Variants in TMEM117 observed in about 807,000 individuals in gnomAD.
TMEM117 encodes transmembrane protein 117.
A neutral mutation model predicts 52.4 loss-of-function variants in TMEM117; 27 were observed. The observed-to-expected ratio is 0.51, with a 90% CI of 0.38 to 0.71. TMEM117 has a LOEUF of 0.71. Among genes scored for constraint, TMEM117 ranks in the 30% least tolerant of loss-of-function variants. TMEM117 has a pLI of 0.00. For synonymous variants in TMEM117, 215 were observed against 206.3 expected (o/e 1.04, Z -0.36); for missense variants, 556 against 630.5 (o/e 0.88, Z 1.26).
chr12:43,858,764 T>A (rs1943440635), intron 2 of TMEM117, among the ~76,000 whole-genome samples: 1 of 152,170 alleles, frequency 6.6e-6, no homozygotes, highest in African/African-American at 2.4e-5. Context: ...CTTCAGTATC[T>A]CAGGGAAGAG....
chr12:44,081,423 T>C (rs1025562362), intron 3 of TMEM117, among the ~76,000 whole-genome samples: 1 of 152,122 alleles, frequency 6.6e-6, no homozygotes, highest in East Asian at 1.9e-4. Context: ...CCTCAGTTCA[T>C]TTTTTGTGGT....
intron 3 of TMEM117, among the ~76,000 whole-genome samples, chr12:44,075,864 T>C (rs1344410786): frequency 6.6e-6 from 1 of 152,140 alleles, no homozygotes; most frequent in East Asian, 1.9e-4. Flanking sequence ...CATATGAAGA[T>C]GGTGGGGAGG....
chr12:44,105,393 A>C (rs998561045), intron 3 of TMEM117, among the ~76,000 whole-genome samples: 1 of 152,034 alleles, frequency 6.6e-6, no homozygotes, highest in African/African-American at 2.4e-5. Flanking sequence ...TAGAATCTTT[A>C]GAATATTAAT....
chr12:43,894,233 C>G (rs1944159141), intron 2 of TMEM117, among the ~76,000 whole-genome samples: 1 of 152,210 alleles, frequency 6.6e-6, no homozygotes, highest in Non-Finnish European at 1.5e-5. Flanking sequence ...TACTCCCTTA[C>G]TCACATTTCC....
At chr12:44,115,190 C>T (rs1377729677) in intron 3 of TMEM117, among the ~76,000 whole-genome samples, 2 of 152,106 alleles carry the variant, frequency 1.3e-5, no homozygotes, top group Admixed American at 6.5e-5. Flanking sequence ...CACTGTGTTT[C>T]AGGAAGCTAT....
At chr12:44,291,374 G>GTTTTTTTTT (rs1185340451) in intron 5 of TMEM117, among the ~76,000 whole-genome samples, 1 of 71,452 alleles carries the variant, frequency 1.4e-5, no homozygotes, top group Non-Finnish European at 2.8e-5. Context: ...AGTTCTAACA[G>GTTTTTTTTT]TTTTTTTTTT....
intron 3 of TMEM117, among the ~76,000 whole-genome samples, chr12:43,965,949 A>G (rs1945478580): frequency 6.6e-6 from 1 of 152,092 alleles, no homozygotes; most frequent in Non-Finnish European, 1.5e-5. Context: ...TGCCATCTTT[A>G]TGTCCATGTA....
At chr12:44,177,484 T>C (rs972443609) in intron 4 of TMEM117, among the ~76,000 whole-genome samples, 1 of 152,208 alleles carries the variant, frequency 6.6e-6, no homozygotes, top group African/African-American at 2.4e-5. Context: ...TGTTCTGTGT[T>C]TATTTGTGGC....
intron 3 of TMEM117, among the ~76,000 whole-genome samples, chr12:44,052,918 T>C (rs539145803): frequency 6.6e-6 from 1 of 152,234 alleles, no homozygotes; most frequent in South Asian, 2.1e-4. Context: ...AGAAAATTAC[T>C]CCCTGCCCCC....
chr12:44,070,325 A>G (rs1592490782), intron 3 of TMEM117, among the ~76,000 whole-genome samples: 1 of 152,162 alleles, frequency 6.6e-6, no homozygotes, highest in African/African-American at 2.4e-5. Context: ...GAAAGGAGGG[A>G]AAGACAGCAC....
At chr12:44,097,383 A>G (rs1186157713) in intron 3 of TMEM117, among the ~76,000 whole-genome samples, 1 of 150,546 alleles carries the variant, frequency 6.6e-6, no homozygotes, top group Non-Finnish European at 1.5e-5. Context: ...CCAAAGGACT[A>G]TAAATCATGC....
intron 2 of TMEM117, among the ~76,000 whole-genome samples, chr12:43,919,635 G>A (rs911088094): frequency 2.0e-5 from 3 of 152,136 alleles, no homozygotes; most frequent in African/African-American, 7.2e-5. Flanking sequence ...TTGAGATCCT[G>A]ATTTCAGTTC....
intron 6 of TMEM117, among the ~76,000 whole-genome samples, chr12:44,311,418 C>T (rs1950973455): frequency 6.6e-6 from 1 of 151,964 alleles, no homozygotes; most frequent in Non-Finnish European, 1.5e-5. Flanking sequence ...TTTATAATCC[C>T]TTCCTGGGCC....
At chr12:43,874,447 C>T (rs1643083132) in intron 2 of TMEM117, among the ~76,000 whole-genome samples, 1 of 151,806 alleles carries the variant, frequency 6.6e-6, no homozygotes, top group African/African-American at 2.4e-5. Flanking sequence ...AAAATTTAGC[C>T]AGGCCTGGTG....
chr12:43,904,573 G>A (rs1243022031), intron 2 of TMEM117, among the ~76,000 whole-genome samples: 1 of 152,022 alleles, frequency 6.6e-6, no homozygotes, highest in Non-Finnish European at 1.5e-5. Flanking sequence ...ACCACCAAGA[G>A]TGCTTGAGCA....
At chr12:44,203,301 A>T (rs573644789) in intron 4 of TMEM117, among the ~76,000 whole-genome samples, 47 of 152,268 alleles carry the variant, frequency 3.1e-4, no homozygotes, top group African/African-American at 1.1e-3. Flanking sequence ...GGGGTCAGTG[A>T]TAATGTCCCT....
At chr12:44,256,188 A>T (rs1334050601) in intron 5 of TMEM117, among the ~76,000 whole-genome samples, 2 of 151,846 alleles carry the variant, frequency 1.3e-5, no homozygotes, top group Admixed American at 6.6e-5. Context: ...ATAAGGATAT[A>T]TATAAATTTA....
At chr12:43,867,650 A>G (rs1943626175) in intron 2 of TMEM117, among the ~76,000 whole-genome samples, 1 of 150,884 alleles carries the variant, frequency 6.6e-6, no homozygotes, top group Non-Finnish European at 1.5e-5. Flanking sequence ...TATCCTGTAA[A>G]CAGTTAACAA....
At chr12:43,955,086 G>A (rs137924588) in intron 3 of TMEM117, among the ~76,000 whole-genome samples, 4 of 152,230 alleles carry the variant, frequency 2.6e-5, no homozygotes, top group South Asian at 2.1e-4. Context: ...ATTCAACACC[G>A]CTTCATGTTA....
Sources: gnomAD v4.1 joint callset for allele counts (sites outside exome capture counted in the v4.1 genomes callset) on GRCh38, gnomAD v4.1.1 for gene constraint, MANE v1.5 for transcripts, NCBI Gene and HGNC (gene_info 2026-07-23, HGNC 2026-07-21) for gene names.